Variants in PUM1 observed in about 807,000 individuals in gnomAD.
PUM1 encodes the protein pumilio homolog 1.
PUM1 carries 13 observed loss-of-function variants against 131.8 expected under a neutral mutation model. The observed-to-expected ratio is 0.10, with a 90% CI of 0.06 to 0.16. The LOEUF (loss-of-function observed/expected upper bound fraction) is 0.16, where lower values mean the gene tolerates loss of function less well. Among genes scored for constraint, PUM1 ranks in the 10% least tolerant of loss-of-function variants. The pLI is 1.00. For synonymous variants in PUM1, 509 were observed against 556.5 expected (o/e 0.91, Z 1.20); for missense variants, 961 against 1,512.4 (o/e 0.64, Z 6.05).
chr1:30,977,470 A>G (rs1399137649), intron 9 of PUM1, among the ~76,000 whole-genome samples: 3 of 152,172 alleles, frequency 2.0e-5, no homozygotes, highest in Admixed American at 6.5e-5. Flanking sequence ...ATTACTCTCT[A>G]AATTTTCTCA....
chr1:31,024,316 A>T (rs1643146781), intron 3 of PUM1, among the ~76,000 whole-genome samples: 2 of 152,240 alleles, frequency 1.3e-5, no homozygotes, highest in Admixed American at 6.5e-5. Flanking sequence ...CTCCCTCTAT[A>T]AGCCACTCTG....
intron 17 of PUM1, among the ~76,000 whole-genome samples, chr1:30,949,674 T>G (rs1038823941): frequency 2.0e-5 from 3 of 151,866 alleles, no homozygotes; most frequent in Non-Finnish European, 4.4e-5. Context: ...TGGCACAGAG[T>G]GGGCTTCAGG....
intron 17 of PUM1, among the ~76,000 whole-genome samples, chr1:30,948,285 G>A (rs1301991549): frequency 2.0e-5 from 3 of 152,010 alleles, no homozygotes; most frequent in African/African-American, 7.3e-5. Context: ...GGCTTCCCTG[G>A]ATATTTTTGT....
intron 17 of PUM1, 119 bp from the exon 18 acceptor site, chr1:30,945,602 G>A (rs1639635003): frequency 6.6e-6 from 7 of 1,066,128 alleles, no homozygotes; most frequent in South Asian, 3.2e-5. Context: ...GATGAAAGTG[G>A]AATAGCAGCT....
intron 3 of PUM1, among the ~76,000 whole-genome samples, chr1:31,009,110 G>T (rs188881304): frequency 1.3e-5 from 2 of 151,646 alleles, no homozygotes; most frequent in Non-Finnish European, 2.9e-5. Flanking sequence ...TTGAACCCAG[G>T]AGTGGGAGGG....
At chr1:30,933,417 C>A in intron 21 of PUM1, 75 bp from the exon 22 acceptor site, 6 of 1,205,764 alleles carry the variant, frequency 5.0e-6, no homozygotes, top group Admixed American at 1.8e-5. Flanking sequence ...CATGCATTTG[C>A]ATGTCATGCA....
chr1:30,988,847 A>G (rs1284458446), intron 7 of PUM1, among the ~76,000 whole-genome samples: 1 of 152,164 alleles, frequency 6.6e-6, no homozygotes, highest in African/African-American at 2.4e-5. Context: ...CTTTGTCCTC[A>G]TTGAGCCCTC....
chr1:31,029,913 C>CAAAAAAAA, intron 2 of PUM1, among the ~76,000 whole-genome samples: 1 of 120,036 alleles, frequency 8.3e-6, no homozygotes, highest in Non-Finnish European at 1.7e-5. Context: ...GATCCTTTTT[C>CAAAAAAAA]AAAAAAAAAA....
chr1:30,948,384 G>C (rs889264277), intron 17 of PUM1, among the ~76,000 whole-genome samples: 3 of 152,014 alleles, frequency 2.0e-5, no homozygotes, highest in Non-Finnish European at 2.9e-5. Flanking sequence ...AAATAATAAA[G>C]GGTAGGAAGC....
At chr1:30,944,088 C>T (rs777995506) in intron 18 of PUM1, among the ~76,000 whole-genome samples, 25 of 151,596 alleles carry the variant, frequency 1.6e-4, no homozygotes, top group Non-Finnish European at 3.2e-4. Flanking sequence ...ATAAATGTAA[C>T]ATCTTAATGT....
chr1:31,055,319 G>A (rs932378405), intron 2 of PUM1: 14 of 455,952 alleles, frequency 3.1e-5, no homozygotes, highest in Non-Finnish European at 5.3e-5. Context: ...TTACCTGAGC[G>A]CAAAACTGAA....
rs535571793 is a variant in PUM1 at position 30,941,230 on chromosome 1, C to T, written c.3163G>A (p.Gly1055Ser). The change falls in exon 20 of 22, where the codon GGT (glycine) becomes AGT (serine). Residue 1055 changes from glycine to serine, a missense_variant. Gly to Ser is a moderately conservative substitution (Grantham distance 56). Coordinates refer to ENST00000426105, the MANE Select transcript of PUM1 (RefSeq NM_001020658.2). ...NYVIQHVLEH[G>S]RPEDKSKIVA... ...ATTTTGCTTTTATCCTCAGGACGAC[C>T]GTGCTCCAGTACATGTTGGATTACA... The T allele has an allele frequency of 2.5e-6, 4 of 1,612,264 alleles. No homozygotes were observed. The highest frequency in any genetic ancestry group is 1.1e-5 in the South Asian group (1 of 91,026).
At chr1:30,943,607 T>C (rs1048079791) in intron 18 of PUM1, among the ~76,000 whole-genome samples, 22 of 152,212 alleles carry the variant, frequency 1.4e-4, no homozygotes, top group African/African-American at 4.6e-4. Flanking sequence ...TCTGGGTTCC[T>C]TAAGTCTTTT....
chr1:31,035,547 G>A (rs1570320420), intron 2 of PUM1, among the ~76,000 whole-genome samples: 2 of 151,854 alleles, frequency 1.3e-5, no homozygotes, highest in Non-Finnish European at 2.9e-5. Context: ...AGGTCAGGAG[G>A]TCGAGACCAG....
intron 20 of PUM1, among the ~76,000 whole-genome samples, chr1:30,939,280 A>G (rs576729514): frequency 5.4e-4 from 83 of 152,306 alleles, no homozygotes; most frequent in Non-Finnish European, 1.0e-3. Flanking sequence ...TCAAACTACA[A>G]ACTTCTCCCA....
chr1:30,935,471 C>T (rs922638265), intron 21 of PUM1, among the ~76,000 whole-genome samples: 1 of 152,206 alleles, frequency 6.6e-6, no homozygotes, highest in Non-Finnish European at 1.5e-5. Flanking sequence ...GCTGAGAATA[C>T]GACCTGCTGT....
chr1:30,965,598 G>A (rs1010315173), intron 13 of PUM1, among the ~76,000 whole-genome samples: 1 of 151,946 alleles, frequency 6.6e-6, no homozygotes, highest in Non-Finnish European at 1.5e-5. Flanking sequence ...ACTCTTTAAG[G>A]CCTGCAGGCC....
chr1:30,950,457 C>A (rs950399127), intron 16 of PUM1, among the ~76,000 whole-genome samples, 196 bp from the exon 17 acceptor site: 2 of 152,194 alleles, frequency 1.3e-5, no homozygotes, highest in Non-Finnish European at 2.9e-5. Flanking sequence ...TTATGAGTAA[C>A]CCTTTTTAAT....
intron 3 of PUM1, among the ~76,000 whole-genome samples, chr1:31,012,028 C>G (rs1642637880): frequency 6.6e-6 from 1 of 152,146 alleles, no homozygotes; most frequent in African/African-American, 2.4e-5. Context: ...CTTATCAAAG[C>G]AATTAATGCA....
Sources: gnomAD v4.1 joint callset for allele counts (sites outside exome capture counted in the v4.1 genomes callset) on GRCh38, gnomAD v4.1.1 for gene constraint, MANE v1.5 for transcripts, NCBI Gene and HGNC (gene_info 2026-07-23, HGNC 2026-07-21) for gene names.